Variants in DPYD observed in about 807,000 individuals in gnomAD.
The protein encoded by DPYD is dihydropyrimidine dehydrogenase, also known as dihydropyrimidine dehydrogenase [NADP(+)].
Under a neutral mutation model 116.2 loss-of-function variants are expected in DPYD, and 109 were observed. That is an observed-to-expected ratio of 0.94 (90% CI 0.80 to 1.10). The LOEUF (loss-of-function observed/expected upper bound fraction) is 1.10. Among genes scored for constraint, DPYD ranks in the 50% least tolerant of loss-of-function variants. DPYD has a pLI of 0.00. For synonymous variants in DPYD, 440 were observed against 432.0 expected, an observed-to-expected ratio of 1.02 and a Z score of -0.23; for missense variants, 1,302 against 1,254.5, an observed-to-expected ratio of 1.04 and a Z score of -0.57.
At chr1:97,737,784 T>C (rs1245628272) in intron 4 of DPYD, among the ~76,000 whole-genome samples, 5 of 152,072 alleles carry the variant, frequency 3.3e-5, no homozygotes, top group African/African-American at 1.2e-4. Flanking sequence ...CACACACACA[T>C]ACATGCATAC....
chr1:97,297,667 A>C (rs1355884840), intron 18 of DPYD, among the ~76,000 whole-genome samples: 2 of 152,196 alleles, frequency 1.3e-5, no homozygotes, highest in African/African-American at 4.8e-5. Context: ...TTAAGAGAGA[A>C]GAGCAGTAAG....
Position 97,750,359 on chromosome 1 carries a change from C to T in DPYD, c.234-9880G>A, listed in dbSNP as rs142188543. Among the ~76,000 whole-genome samples the T allele has an allele frequency of 2.7e-3, 414 of 152,050 alleles. 1 individual carries two copies. The highest frequency in any genetic ancestry group is 3.6e-3 in the African/African-American group (150 of 41,530). On this transcript the variant is annotated intron_variant, in intron 3 of 22. Coordinates refer to ENST00000370192, the MANE Select transcript of DPYD (RefSeq NM_000110.4). ...ATAAAATAGGTTATTTGTTCCTATA[C>T]AATTCCTAGATGTACGGAATATGTT... is the stretch of plus-strand genomic sequence containing the variant.
intron 14 of DPYD, among the ~76,000 whole-genome samples, chr1:97,401,312 T>G (rs111766159): frequency 0.074 from 11,220 of 152,066 alleles, 505 homozygotes; most frequent in African/African-American, 0.12. Context: ...GGAAGTTTTT[T>G]TTTGTTTGTT....
At chr1:97,475,443 G>A (rs1422340438) in intron 13 of DPYD, among the ~76,000 whole-genome samples, 1 of 151,996 alleles carries the variant, frequency 6.6e-6, no homozygotes, top group Non-Finnish European at 1.5e-5. Context: ...ATAAGTAAAG[G>A]AACAAATTAA....
chr1:97,178,523 C>G (rs543733406), intron 20 of DPYD, among the ~76,000 whole-genome samples: 79 of 152,222 alleles, frequency 5.2e-4, no homozygotes, highest in African/African-American at 1.9e-3. Context: ...AGAACTCACT[C>G]ATTCTCATGA....
intron 5 of DPYD, among the ~76,000 whole-genome samples, chr1:97,705,503 T>G (rs1661889279): frequency 6.6e-6 from 1 of 152,104 alleles, no homozygotes; most frequent in African/African-American, 2.4e-5. Flanking sequence ...ATGGTGTATA[T>G]GTGCCACATT....
intron 15 of DPYD, among the ~76,000 whole-genome samples, chr1:97,374,872 A>ACAAAAGATTAGCTGGGTGTGGCGGC (rs1671520807): frequency 6.6e-6 from 1 of 151,780 alleles, no homozygotes; most frequent in Non-Finnish European, 1.5e-5. Flanking sequence ...CTACCAAAAT[A>ACAAAAGATTAGCTGGGTGTGGCGGC]CAAAAGATTA....
intron 20 of DPYD, among the ~76,000 whole-genome samples, chr1:97,179,877 T>C (rs1465797515): frequency 3.3e-5 from 5 of 152,122 alleles, no homozygotes; most frequent in African/African-American, 9.7e-5. Flanking sequence ...GGTGGTTAAC[T>C]AGATCAATAT....
At chr1:97,898,650 T>C (rs781562276) in intron 1 of DPYD, among the ~76,000 whole-genome samples, 1 of 151,940 alleles carries the variant, frequency 6.6e-6, no homozygotes, top group Non-Finnish European at 1.5e-5. Context: ...CTGAGCAATA[T>C]GGTTTGACTG....
intron 20 of DPYD, among the ~76,000 whole-genome samples, chr1:97,170,754 C>A (rs1656666550): frequency 6.6e-6 from 1 of 151,852 alleles, no homozygotes; most frequent in African/African-American, 2.4e-5. Context: ...TGGCTCACTG[C>A]AACCTCCGCC....
chr1:97,864,557 A>G (rs1671278485), intron 2 of DPYD, among the ~76,000 whole-genome samples: 1 of 151,874 alleles, frequency 6.6e-6, no homozygotes, highest in Non-Finnish European at 1.5e-5. Flanking sequence ...ACCTCTGTAG[A>G]TAATAAATCT....
chr1:97,858,227 T>C (rs1379239633), intron 2 of DPYD, among the ~76,000 whole-genome samples: 1 of 152,188 alleles, frequency 6.6e-6, no homozygotes, highest in Non-Finnish European at 1.5e-5. Context: ...TAATATTTTA[T>C]AACTTTAGAT....
At chr1:97,192,851 T>C (rs956613536) in intron 20 of DPYD, among the ~76,000 whole-genome samples, 15 of 152,160 alleles carry the variant, frequency 9.9e-5, no homozygotes, top group African/African-American at 3.4e-4. Flanking sequence ...GTCTTTTCCT[T>C]TTATATAATC....
At chr1:97,367,867 C>T (rs1159209210) in intron 16 of DPYD, among the ~76,000 whole-genome samples, 2 of 152,078 alleles carry the variant, frequency 1.3e-5, no homozygotes, top group African/African-American at 2.4e-5. Flanking sequence ...AAATCAAATT[C>T]TTTGACAGTG....
chr1:97,334,077 T>C (rs984461591), intron 16 of DPYD, among the ~76,000 whole-genome samples: 6 of 152,202 alleles, frequency 3.9e-5, no homozygotes, highest in African/African-American at 1.4e-4. Context: ...AGTTACACTT[T>C]ACTGCATTTT....
chr1:97,487,031 G>C (rs887085277), intron 13 of DPYD, among the ~76,000 whole-genome samples: 5 of 151,904 alleles, frequency 3.3e-5, no homozygotes, highest in African/African-American at 1.2e-4. Context: ...CATTTTATCT[G>C]TACTCTTAGG....
rs530861449 is a variant in DPYD at position 97,697,708 on chromosome 1, A to T, written c.680+1643T>A. Among the ~76,000 whole-genome samples, 5 of 152,042 alleles carry T rather than the reference A, an allele frequency of 3.3e-5. No individual in the cohort carries two copies. The South Asian group carries it at 8.3e-4, about 25-fold the overall frequency. ...AAAAAAATGTTCAGCAAATAAATTTAAAAAAAACAAGTTTAGTACTAATTT... is the reference window on the plus strand; with the variant it reads ...AAAAAAATGTTCAGCAAATAAATTTTAAAAAAACAAGTTTAGTACTAATTT... On this transcript the variant is annotated intron_variant, in intron 6 of 22. Coordinates refer to ENST00000370192, the MANE Select transcript of DPYD (RefSeq NM_000110.4).
At chr1:97,223,492 G>T (rs1044806890) in intron 19 of DPYD, among the ~76,000 whole-genome samples, 4 of 151,746 alleles carry the variant, frequency 2.6e-5, no homozygotes, top group African/African-American at 9.7e-5. Flanking sequence ...GATAAGTTTT[G>T]ACTTTCTGAA....
chr1:97,887,149 C>T (rs1450462138), intron 1 of DPYD, among the ~76,000 whole-genome samples: 4 of 152,018 alleles, frequency 2.6e-5, no homozygotes, highest in East Asian at 2.0e-4. Context: ...ATGACATCAG[C>T]GGTTCACACA....
Sources: allele counts gnomAD v4.1 joint callset (sites outside exome capture counted in the v4.1 genomes callset), GRCh38; gene constraint gnomAD v4.1.1; transcripts MANE v1.5; gene names NCBI Gene and HGNC (gene_info 2026-07-23, HGNC 2026-07-21).